The following TESC variants were observed in gnomAD, a reference collection of about 807,000 sequenced individuals.
TESC encodes the protein calcineurin B homologous protein 3.
A neutral mutation model predicts 31.0 loss-of-function variants in TESC; 19 were observed. The ratio of observed to expected loss-of-function variants is 0.61; its 90% CI spans 0.43 to 0.90. TESC has a LOEUF of 0.90. TESC is among the 40% of genes least tolerant of loss of function. The pLI, the probability that TESC is intolerant of heterozygous loss-of-function variation, is 0.00. For missense variants in TESC, 248 were observed against 303.8 expected (o/e 0.82, Z 1.36); for synonymous variants, 109 against 114.8 (o/e 0.95, Z 0.32).
intron 4 of TESC, among the ~76,000 whole-genome samples, chr12:117,047,600 T>G (rs1413398120): frequency 6.6e-6 from 1 of 151,972 alleles, no homozygotes; most frequent in Non-Finnish European, 1.5e-5. Context: ...AATTTTTGTG[T>G]TTTTAGTAGA....
chr12:117,062,529 A>G (rs1954812996), intron 2 of TESC, among the ~76,000 whole-genome samples: 1 of 152,134 alleles, frequency 6.6e-6, no homozygotes, highest in Admixed American at 6.6e-5. Flanking sequence ...GCCTGTGCCC[A>G]TTTTAAAGAT....
chr12:117,051,695 G>A (rs1430712562), intron 3 of TESC, among the ~76,000 whole-genome samples: 1 of 152,184 alleles, frequency 6.6e-6, no homozygotes, highest in Non-Finnish European at 1.5e-5. Context: ...GGGTGAAAAT[G>A]TGATAGACCC....
At chr12:117,055,793 C>T (rs1954714395) in intron 3 of TESC, among the ~76,000 whole-genome samples, 1 of 152,236 alleles carries the variant, frequency 6.6e-6, no homozygotes, top group Non-Finnish European at 1.5e-5. Flanking sequence ...ACCTCAGCCC[C>T]AGCTAATGCC....
Position 117,056,659 on chromosome 12 carries a change from C to T in TESC, c.209+147G>A, listed in dbSNP as rs1053820596. The T allele has an allele frequency of 1.7e-5, 14 of 807,188 alleles. No homozygotes were observed. In the African/African-American group the frequency reaches 2.2e-4, roughly 13 times the overall value. The allele number at this position is 807,188 out of a possible 1,614,324, so 50.0% of individuals were successfully genotyped here. Reference sequence around the variant, plus strand: ...CAGCTATGAATCCAGAATGGTCCAACCCCAAACCTATGCTCATAACCCCTA... The same window carrying T: ...CAGCTATGAATCCAGAATGGTCCAATCCCAAACCTATGCTCATAACCCCTA... On this transcript the variant is annotated intron_variant, in intron 3 of 7. Coordinates refer to ENST00000335209, the MANE Select transcript of TESC (RefSeq NM_017899.4).
intron 1 of TESC, among the ~76,000 whole-genome samples, chr12:117,092,125 G>A (rs1291595430): frequency 6.6e-6 from 1 of 152,198 alleles, no homozygotes; most frequent in Non-Finnish European, 1.5e-5. Context: ...GGGCTTTTCG[G>A]CAGATCAGAT....
In TESC at chr12:117,039,040, G is replaced by A. The variant is rs891841981; in HGVS notation, c.*93C>T. The A allele has an allele frequency of 2.1e-6, 3 of 1,419,946 alleles. No homozygotes were observed. Among genetic ancestry groups the A allele is most frequent in the South Asian group, 2.4e-5 (2 of 81,866 alleles). The allele number at this position is 1,419,946 out of a possible 1,614,324, so 88.0% of individuals were successfully genotyped here. On this transcript the variant is annotated 3_prime_UTR_variant, in exon 8 of 8. Transcript: ENST00000335209. ...GCCTTGGCTATGTACCGGCGCTGCAGGAAGAGGCTGTCCGCCGGGCCTGGG... is the reference window on the plus strand; with the variant it reads ...GCCTTGGCTATGTACCGGCGCTGCAAGAAGAGGCTGTCCGCCGGGCCTGGG...
intron 1 of TESC, among the ~76,000 whole-genome samples, chr12:117,079,577 G>A (rs1002404295): frequency 6.7e-6 from 1 of 150,372 alleles, no homozygotes; most frequent in Non-Finnish European, 1.5e-5. Context: ...AAAAAAAAGC[G>A]TTACCTTGAA....
intron 1 of TESC, among the ~76,000 whole-genome samples, chr12:117,090,420 G>A (rs1454293844): frequency 6.6e-6 from 1 of 152,192 alleles, no homozygotes; most frequent in Non-Finnish European, 1.5e-5. Context: ...CTTTTAAAAG[G>A]AGATACATAG....
rs1258979910 is a variant in TESC, at chr12:117,075,358, G to A, written c.59-18C>T. On this transcript the variant is annotated intron_variant, in intron 1 of 7. Coordinates refer to ENST00000335209, the MANE Select transcript of TESC (RefSeq NM_017899.4). ...CGATGAGACTGAGAAGTGGGGGAAA[G>A]AGAGAAAAACAAGACAGAAAAAAAA... 1.2e-6 allele frequency: 2 copies of A among 1,605,008 alleles called. No individual in the cohort carries two copies. Among genetic ancestry groups the A allele is most frequent in the East Asian group, 2.2e-5 (1 of 44,830 alleles).
At chr12:117,046,950 A>G in intron 4 of TESC, 112 bp from the exon 5 acceptor site, 1 of 1,162,986 alleles carries the variant, frequency 8.6e-7, no homozygotes, top group Non-Finnish European at 1.2e-6. Flanking sequence ...CCTCAATGCC[A>G]AAGCCAGAGG....
intron 1 of TESC, among the ~76,000 whole-genome samples, chr12:117,094,702 T>C (rs1202005715): frequency 1.3e-5 from 2 of 152,050 alleles, no homozygotes; most frequent in African/African-American, 4.8e-5. Context: ...TGAACAATAA[T>C]GAGCATTCGT....
chr12:117,070,667 AG>A (rs1289214324), intron 2 of TESC, among the ~76,000 whole-genome samples: 3 of 152,202 alleles, frequency 2.0e-5, no homozygotes, highest in African/African-American at 7.2e-5. Flanking sequence ...TGTGTGACCC[AG>A]GGCCAGGTAC....
chr12:117,068,171 C>T (rs987351144), intron 2 of TESC, among the ~76,000 whole-genome samples: 9 of 151,594 alleles, frequency 5.9e-5, no homozygotes, highest in Admixed American at 1.3e-4. Flanking sequence ...TCAGATTACA[C>T]GTGTGAGCTA....
At chr12:117,058,836 T>C (rs1954765300) in intron 2 of TESC, among the ~76,000 whole-genome samples, 1 of 151,080 alleles carries the variant, frequency 6.6e-6, no homozygotes, top group Non-Finnish European at 1.5e-5. Flanking sequence ...GCACAGGTAA[T>C]GCTGAGTCCT....
In TESC at chr12:117,046,895, C is replaced by T. The variant is rs1954575186; in HGVS notation, c.350-57G>A. 2.0e-5 allele frequency: 30 copies of T among 1,519,582 alleles called. 1 individual carries two copies. In the South Asian group the frequency reaches 3.5e-4, roughly 18 times the overall value. 94.1% of individuals were successfully genotyped at this position (1,519,582 alleles called of 1,614,324 possible). ...CAGGCGGGGCCTGGCCCCTGCCACC[C>T]CCTGAAATGTACACTAAACTAAGCA... On this transcript the variant is annotated intron_variant, in intron 4 of 7. Coordinates refer to ENST00000335209, the MANE Select transcript of TESC (RefSeq NM_017899.4).
At chr12:117,059,717 C>T (rs982418338) in intron 2 of TESC, among the ~76,000 whole-genome samples, 5 of 152,142 alleles carry the variant, frequency 3.3e-5, no homozygotes, top group South Asian at 2.1e-4. Flanking sequence ...CTCAGCCTCC[C>T]GAGTAGCTGG....
intron 1 of TESC, among the ~76,000 whole-genome samples, chr12:117,081,211 G>C (rs1355145459): frequency 6.6e-6 from 1 of 152,004 alleles, no homozygotes; most frequent in Non-Finnish European, 1.5e-5. Context: ...GACTGAGATG[G>C]GCTGAAGTGG....
intron 2 of TESC, 25 bp downstream of exon 2, chr12:117,075,246 C>T: frequency 6.2e-7 from 1 of 1,611,512 alleles, no homozygotes; most frequent in Non-Finnish European, 8.5e-7. Context: ...CCCCACCCAG[C>T]ACCCAAACCC....
chr12:117,068,207 C>T (rs1393160144), intron 2 of TESC, among the ~76,000 whole-genome samples: 1 of 151,036 alleles, frequency 6.6e-6, no homozygotes, highest in Admixed American at 6.6e-5. Context: ...CTTGTGGTAA[C>T]TTCAAAAAAT....
Sources: gnomAD v4.1 joint callset for allele counts (sites outside exome capture counted in the v4.1 genomes callset) on GRCh38, gnomAD v4.1.1 for gene constraint, MANE v1.5 for transcripts, NCBI Gene and HGNC (gene_info 2026-07-23, HGNC 2026-07-21) for gene names.